Variants in EXOC6B observed in about 807,000 individuals in gnomAD.
The protein encoded by EXOC6B is SEC15 homolog B.
In EXOC6B, 54 loss-of-function variants were observed where a neutral mutation model predicts 113.5. The observed-to-expected ratio is 0.48, with a 90% CI of 0.38 to 0.60. The LOEUF is 0.60. Among genes scored for constraint, EXOC6B ranks in the 20% least tolerant of loss-of-function variants. The probability of loss-of-function intolerance (pLI) is 0.00; values close to 1 mark genes in which losing one functional copy is unlikely to be tolerated. For missense variants in EXOC6B, 797 were observed against 977.5 expected, an observed-to-expected ratio of 0.82 and a Z score of 2.46; for synonymous variants, 357 against 339.0, an observed-to-expected ratio of 1.05 and a Z score of -0.58.
chr2:72,422,710 C>A (rs913017114), intron 18 of EXOC6B, among the ~76,000 whole-genome samples: 4 of 152,186 alleles, frequency 2.6e-5, no homozygotes, highest in African/African-American at 9.6e-5. Flanking sequence ...ACACACCAAT[C>A]AGCACCCAGT....
chr2:72,399,078 T>C (rs1692962878), intron 18 of EXOC6B, among the ~76,000 whole-genome samples: 1 of 151,352 alleles, frequency 6.6e-6, no homozygotes, highest in South Asian at 2.1e-4. Flanking sequence ...TATGAGCATA[T>C]GATCCAGCAA....
intron 1 of EXOC6B, among the ~76,000 whole-genome samples, chr2:72,806,780 T>C (rs1573828036): frequency 6.6e-6 from 1 of 152,292 alleles, no homozygotes; most frequent in East Asian, 1.9e-4. Context: ...CTCCAATGAT[T>C]AGTGATGTTG....
At chr2:72,403,368 G>A (rs1693477875) in intron 18 of EXOC6B, among the ~76,000 whole-genome samples, 1 of 152,072 alleles carries the variant, frequency 6.6e-6, no homozygotes, top group Admixed American at 6.5e-5. Context: ...AGTCAGAACA[G>A]ACATACACAA....
At chr2:72,246,610 C>A (rs996702325) in intron 20 of EXOC6B, among the ~76,000 whole-genome samples, 9 of 150,908 alleles carry the variant, frequency 6.0e-5, no homozygotes, top group Non-Finnish European at 7.4e-5. Context: ...GAGGTTCATG[C>A]CATTCTCCTG....
chr2:72,265,343 G>A (rs1285286574), intron 20 of EXOC6B, among the ~76,000 whole-genome samples: 1 of 150,492 alleles, frequency 6.6e-6, no homozygotes, highest in Non-Finnish European at 1.5e-5. Context: ...ATGCTGGTGT[G>A]CTGCACCCAT....
rs1169624170 is a variant in EXOC6B at position 72,557,301 on chromosome 2, G to T, written c.915+2152C>A. On this transcript the variant is annotated intron_variant, in intron 8 of 21. Coordinates refer to ENST00000272427, the MANE Select transcript of EXOC6B (RefSeq NM_015189.3). ...AACAAAATAAAATCCGGGGGGGGGG[G>T]GGGGCCTTTATGAACTGATAATAGA... 5.2e-5 allele frequency among the ~76,000 whole-genome samples: 4 copies of T among 76,260 alleles called. 1 individual carries two copies. Among genetic ancestry groups the T allele is most frequent in the Non-Finnish European group, 7.8e-5 (3 of 38,564 alleles). The allele number at this position is 76,260 out of a possible 152,430, so 50.0% of individuals were successfully genotyped here. A position where few individuals can be genotyped will look rare whatever the true frequency, so the allele number is the denominator to read the frequency against.
At chr2:72,559,331 A>T in intron 8 of EXOC6B, 122 bp downstream of exon 8, 1 of 601,476 alleles carries the variant, frequency 1.7e-6, no homozygotes, top group Non-Finnish European at 2.6e-6. Context: ...ACAGTCCTTA[A>T]ACAACAAGAG....
intron 18 of EXOC6B, among the ~76,000 whole-genome samples, chr2:72,405,203 G>A (rs1035689807): frequency 1.3e-5 from 2 of 152,192 alleles, no homozygotes; most frequent in African/African-American, 4.8e-5. Flanking sequence ...GGGACTATGT[G>A]GAAAGACCAA....
chr2:72,773,425 G>A (rs142048458), intron 1 of EXOC6B, among the ~76,000 whole-genome samples: 1,956 of 149,516 alleles, frequency 0.013, 13 homozygotes, highest in Non-Finnish European at 0.02. Flanking sequence ...CCACCATACC[G>A]GGTAGATCTT....
chr2:72,492,191 A>G (rs1222939373), intron 16 of EXOC6B, 127 bp downstream of exon 16: 14 of 455,946 alleles, frequency 3.1e-5, no homozygotes, highest in Non-Finnish European at 5.2e-5. Flanking sequence ...TTCATTTTGC[A>G]CTTTCACCAT....
intron 1 of EXOC6B, among the ~76,000 whole-genome samples, chr2:72,773,706 T>C (rs1683537571): frequency 6.6e-6 from 1 of 152,122 alleles, no homozygotes. Context: ...AAACAAATAG[T>C]TAAAATAGTT....
At chr2:72,547,532 G>A (rs2105809567) in intron 8 of EXOC6B, among the ~76,000 whole-genome samples, 1 of 152,244 alleles carries the variant, frequency 6.6e-6, no homozygotes, top group South Asian at 2.1e-4. Context: ...TAAGCTTATG[G>A]ATACATTTAT....
intron 18 of EXOC6B, among the ~76,000 whole-genome samples, chr2:72,459,622 A>G (rs1437526386): frequency 2.0e-5 from 3 of 152,178 alleles, no homozygotes; most frequent in African/African-American, 4.8e-5. Context: ...CAAGGAGAAT[A>G]AAATACCTAG....
In EXOC6B at chr2:72,601,637, T is replaced by G. The variant is rs76913133; in HGVS notation, c.670-25969A>C. ...ACTAAATGATCAACCAATGGATCCA[T>G]CTTACCATATGATCCACCAATCATG... is the stretch of plus-strand genomic sequence containing the variant. On this transcript the variant is annotated intron_variant, in intron 6 of 21. Transcript: ENST00000272427. 1.5e-3 allele frequency among the ~76,000 whole-genome samples: 228 copies of G among 152,234 alleles called. 5 individuals carry two copies. The East Asian group carries it at 0.021, about 14-fold the overall frequency.
intron 6 of EXOC6B, among the ~76,000 whole-genome samples, chr2:72,657,905 A>G (rs934959892): frequency 2.0e-5 from 3 of 151,362 alleles, no homozygotes; most frequent in Non-Finnish European, 4.4e-5. Flanking sequence ...CACTGAAACT[A>G]TATCAGTGGT....
intron 1 of EXOC6B, among the ~76,000 whole-genome samples, chr2:72,807,950 G>T (rs1485948457): frequency 6.6e-6 from 1 of 152,104 alleles, no homozygotes; most frequent in East Asian, 1.9e-4. Flanking sequence ...CTAACTAAAA[G>T]ATTATAACTG....
chr2:72,537,576 A>G (rs969760697), intron 8 of EXOC6B, among the ~76,000 whole-genome samples: 9 of 152,068 alleles, frequency 5.9e-5, no homozygotes, highest in African/African-American at 2.2e-4. Flanking sequence ...AGGCTGTAGC[A>G]AGCTGAGATC....
At chr2:72,770,909 T>A (rs1345185431) in intron 1 of EXOC6B, among the ~76,000 whole-genome samples, 1 of 152,116 alleles carries the variant, frequency 6.6e-6, no homozygotes, top group Non-Finnish European at 1.5e-5. Context: ...AAGGAAGCCA[T>A]TAGATATGGC....
chr2:72,329,198 A>T (rs1467723112), intron 20 of EXOC6B, among the ~76,000 whole-genome samples: 1 of 152,136 alleles, frequency 6.6e-6, no homozygotes, highest in African/African-American at 2.4e-5. Flanking sequence ...GTAGCTGTTC[A>T]GTAAACACTT....
Sources: gnomAD v4.1 joint callset for allele counts (sites outside exome capture counted in the v4.1 genomes callset) on GRCh38, gnomAD v4.1.1 for gene constraint, MANE v1.5 for transcripts, NCBI Gene and HGNC (gene_info 2026-07-23, HGNC 2026-07-21) for gene names.